The following PTCHD4 variants were observed in gnomAD, a reference collection of about 807,000 sequenced individuals.
The protein encoded by PTCHD4 is patched domain-containing protein 4.
A neutral mutation model predicts 58.1 loss-of-function variants in PTCHD4; 33 were observed. The ratio of observed to expected loss-of-function variants is 0.57; its 90% confidence interval spans 0.43 to 0.76. PTCHD4 has a LOEUF of 0.76. Ranked by LOEUF, PTCHD4 falls within the 30% of genes least tolerant of loss-of-function variation. PTCHD4 has a pLI of 0.00. For missense variants in PTCHD4, 1,058 were observed against 1,027.1 expected (o/e 1.03, Z -0.41); for synonymous variants, 478 against 409.6 (o/e 1.17, Z -2.02).
chr6:47,942,793 G>GA (rs1296747390), intron 4 of PTCHD4, among the ~76,000 whole-genome samples: 4 of 152,054 alleles, frequency 2.6e-5, no homozygotes, highest in Non-Finnish European at 5.9e-5. Flanking sequence ...GGAGAGAGAG[G>GA]AAAAAATAAT....
At chr6:47,904,080 G>A (rs1042195837) in intron 4 of PTCHD4, among the ~76,000 whole-genome samples, 4 of 152,164 alleles carry the variant, frequency 2.6e-5, no homozygotes, top group Non-Finnish European at 5.9e-5. Flanking sequence ...AAAGAAGGGA[G>A]GATTGATAGG....
intron 4 of PTCHD4, among the ~76,000 whole-genome samples, chr6:47,904,644 T>C (rs1314467429): frequency 1.3e-5 from 2 of 152,142 alleles, no homozygotes; most frequent in East Asian, 3.9e-4. Context: ...TTGCAGAAGG[T>C]AGAGAGGATT....
intron 4 of PTCHD4, among the ~76,000 whole-genome samples, chr6:47,910,025 T>C (rs745326501): frequency 1.3e-5 from 2 of 152,276 alleles, no homozygotes; most frequent in Non-Finnish European, 2.9e-5. Context: ...CTGATTAATA[T>C]TTACAAAATC....
intron 3 of PTCHD4, among the ~76,000 whole-genome samples, chr6:48,033,366 T>C (rs754146917): frequency 3.3e-5 from 5 of 151,990 alleles, no homozygotes; most frequent in Non-Finnish European, 7.4e-5. Flanking sequence ...CTGGTAATCT[T>C]TGGAGCCTGA....
At position 47,978,435 on chromosome 6, in the gene PTCHD4, ATAAT is replaced by A. The variant is rs1165205379; in HGVS notation, c.898+30195_898+30198del. On this transcript the variant is annotated intron_variant, in intron 4 of 4. Transcript: ENST00000339488. The stretch of plus-strand genomic sequence containing the variant: ...ATCACTTAGTGTATATTCTGGAAAA[ATAAT>A]TAAAGCTCTCTATATCTTAGTTTCA... 2.6e-5 allele frequency among the ~76,000 whole-genome samples: 4 copies of A among 152,192 alleles called. No homozygotes were observed. The East Asian group carries it at 5.8e-4, about 22-fold the overall frequency.
chr6:48,103,852 C>T (rs553272576), intron 1 of PTCHD4, among the ~76,000 whole-genome samples: 116 of 151,968 alleles, frequency 7.6e-4, no homozygotes, highest in Non-Finnish European at 1.2e-3. Flanking sequence ...AGGGTATCAG[C>T]GATGGAAGAT....
Position 48,059,332 on chromosome 6 carries a change from G to C in PTCHD4, c.417+8898C>G, listed in dbSNP as rs367867439. On this transcript the variant is annotated intron_variant, in intron 3 of 4. Coordinates refer to ENST00000339488, the MANE Select transcript of PTCHD4 (RefSeq NM_001384253.1). ...CTGTAAGGTAAGGGCTATTATGAGGGAAGTGTTACAAAGAAGTTAAAAAAT... is the reference window on the plus strand; with the variant it reads ...CTGTAAGGTAAGGGCTATTATGAGGCAAGTGTTACAAAGAAGTTAAAAAAT... Among the ~76,000 whole-genome samples, 29 of 152,214 alleles carry C rather than the reference G, an allele frequency of 1.9e-4. 1 individual carries two copies. The East Asian group carries it at 4.8e-3, about 25-fold the overall frequency.
At chr6:47,965,520 T>C (rs1767252032) in intron 4 of PTCHD4, among the ~76,000 whole-genome samples, 2 of 152,180 alleles carry the variant, frequency 1.3e-5, no homozygotes, top group Non-Finnish European at 2.9e-5. Context: ...TGAAAGAAAT[T>C]TTTAAAAAGA....
intron 4 of PTCHD4, among the ~76,000 whole-genome samples, chr6:47,992,346 G>T (rs948035572): frequency 6.6e-6 from 1 of 152,088 alleles, no homozygotes; most frequent in African/African-American, 2.4e-5. Flanking sequence ...AACATATGTG[G>T]TGAAACTATG....
Position 47,899,609 on chromosome 6 carries a change from G to A in PTCHD4, c.899-19673C>T, listed in dbSNP as rs1009588899. ...AAGAAATGGAAAGTGAACCCCTTCC[G>A]TTTGTTTTTAACAGCTTTATTGTGA... On this transcript the variant is annotated intron_variant, in intron 4 of 4. Coordinates refer to ENST00000339488, the MANE Select transcript of PTCHD4 (RefSeq NM_001384253.1). 3.9e-5 allele frequency: 38 copies of A among 976,746 alleles called. No homozygotes were observed. The East Asian group carries it at 1.1e-3, about 29-fold the overall frequency. The allele number at this position is 976,746 out of a possible 1,614,324, so 60.5% of individuals were successfully genotyped here.
chr6:48,007,435 C>G (rs1476142977), intron 4 of PTCHD4, among the ~76,000 whole-genome samples: 1 of 152,138 alleles, frequency 6.6e-6, no homozygotes, highest in African/African-American at 2.4e-5. Flanking sequence ...GACCACACGC[C>G]TGCATCTTTT....
chr6:48,043,161 A>G (rs1266476062), intron 3 of PTCHD4, among the ~76,000 whole-genome samples: 1 of 151,940 alleles, frequency 6.6e-6, no homozygotes, highest in Non-Finnish European at 1.5e-5. Flanking sequence ...AATGTATTAA[A>G]TATATTCACT....
intron 4 of PTCHD4, among the ~76,000 whole-genome samples, chr6:47,931,130 C>T (rs1418753286): frequency 6.6e-6 from 1 of 152,228 alleles, no homozygotes; most frequent in Non-Finnish European, 1.5e-5. Context: ...AGACAGCATC[C>T]TTCCCAGAAG....
chr6:48,089,275 A>C (rs1026457718), intron 1 of PTCHD4, among the ~76,000 whole-genome samples: 10 of 152,198 alleles, frequency 6.6e-5, no homozygotes, highest in Admixed American at 3.3e-4. Flanking sequence ...AGTATTCTTT[A>C]TTTAATACTT....
chr6:47,973,367 C>G (rs1285615533), intron 4 of PTCHD4, among the ~76,000 whole-genome samples: 2 of 152,208 alleles, frequency 1.3e-5, no homozygotes, highest in African/African-American at 4.8e-5. Context: ...CTTTCACTTA[C>G]TTTTACTTAA....
At chr6:47,886,143 G>A (rs1764187958) in intron 4 of PTCHD4, among the ~76,000 whole-genome samples, 1 of 147,612 alleles carries the variant, frequency 6.8e-6, no homozygotes. Context: ...TTTTCCCAGA[G>A]CAATGTTGTT....
At chr6:48,012,938 A>T (rs1209072239) in intron 3 of PTCHD4, among the ~76,000 whole-genome samples, 1 of 152,204 alleles carries the variant, frequency 6.6e-6, no homozygotes, top group East Asian at 1.9e-4. Context: ...TGATTGTGGT[A>T]GATAAGCTTT....
At chr6:47,959,121 T>A (rs979968263) in intron 4 of PTCHD4, among the ~76,000 whole-genome samples, 5 of 152,148 alleles carry the variant, frequency 3.3e-5, no homozygotes, top group African/African-American at 9.7e-5. Flanking sequence ...GCAAAATCAA[T>A]CAGTTTAAAC....
chr6:48,082,839 G>A (rs186840474), intron 1 of PTCHD4, among the ~76,000 whole-genome samples: 20 of 151,950 alleles, frequency 1.3e-4, no homozygotes, highest in South Asian at 2.1e-4. Context: ...AATGGTATAC[G>A]AAATAATTAT....
Sources: allele counts gnomAD v4.1 joint callset (sites outside exome capture counted in the v4.1 genomes callset), GRCh38; gene constraint gnomAD v4.1.1; transcripts MANE v1.5; gene names NCBI Gene and HGNC (gene_info 2026-07-23, HGNC 2026-07-21).